Variants in LMO2 observed in about 807,000 individuals in gnomAD.
LMO2 encodes the protein LIM domain only 2.
A neutral mutation model predicts 23.2 loss-of-function variants in LMO2; 20 were observed. The ratio of observed to expected loss-of-function variants is 0.86; its 90% CI spans 0.61 to 1.25. The LOEUF (loss-of-function observed/expected upper bound fraction) is 1.25, where lower values mean the gene tolerates loss of function less well. Among genes scored for constraint, LMO2 ranks in the 50% most tolerant of loss-of-function variants. The pLI, the probability that LMO2 is intolerant of heterozygous loss-of-function variation, is 0.00. For missense variants in LMO2, 270 were observed against 315.3 expected, an observed-to-expected ratio of 0.86 and a Z score of 1.09; for synonymous variants, 123 against 130.2, an observed-to-expected ratio of 0.94 and a Z score of 0.38.
Position 33,885,073 on chromosome 11 carries a change from G to A in LMO2, c.-335-3186C>T, listed in dbSNP as rs80122462. On this transcript the variant is annotated intron_variant, in intron 1 of 5. Coordinates refer to ENST00000257818, the MANE Select transcript of LMO2 (RefSeq NM_005574.4). ...AGACTGCCCATCACCTCTGACTGGG[G>A]ACTGTGACCAGCAGGGTTAAATTGC... Among the ~76,000 whole-genome samples, 710 of 152,300 alleles carry A rather than the reference G, an allele frequency of 4.7e-3. 1 individual carries two copies. Among genetic ancestry groups the A allele is most frequent in the African/African-American group, 0.017 (688 of 41,554 alleles).
chr11:33,870,063 T>C (rs1590641153), intron 2 of LMO2, 76 bp from the exon 3 acceptor site: 2 of 541,350 alleles, frequency 3.7e-6, no homozygotes, highest in Non-Finnish European at 4.7e-6. Context: ...CCTCCCCTTT[T>C]TTCTTCCTTT....
In LMO2 at chr11:33,869,773, G is replaced by A; in HGVS notation, c.-57C>T. On this transcript the variant is annotated 5_prime_UTR_variant, in exon 3 of 6. Transcript: ENST00000257818. ...TCTCGCGCGCTGTCGCCGGCTCCGC[G>A]CCGCCCGCGGGGATGGTGTGCGCCC... is the stretch of plus-strand genomic sequence containing the variant. 1 of 1,173,558 alleles carries A rather than the reference G, an allele frequency of 8.5e-7. No homozygotes were observed. 72.7% of individuals were successfully genotyped at this position (1,173,558 alleles called of 1,614,324 possible). A position where few individuals can be genotyped will look rare whatever the true frequency, so the allele number is the denominator to read the frequency against.
chr11:33,887,638 G>C (rs1342776679), intron 1 of LMO2, among the ~76,000 whole-genome samples: 2 of 149,744 alleles, frequency 1.3e-5, no homozygotes, highest in Non-Finnish European at 3.0e-5. Flanking sequence ...TTGACCTTCT[G>C]AGTTCAGGTG....
rs181014497 is a variant in LMO2 at position 33,864,304 on chromosome 11, T to C, written c.464+298A>G. On this transcript the variant is annotated intron_variant, in intron 5 of 5. Transcript: ENST00000257818. The surrounding 1 kb of genome is among the most constrained non-coding windows in gnomAD (Gnocchi z 4.8). Reference sequence around the variant, plus strand: ...TCCTCCTCAATCCCATCCCCTAGCTTCTCCCGCTCCCCAAGGGAAGCACTT... The same window carrying C: ...TCCTCCTCAATCCCATCCCCTAGCTCCTCCCGCTCCCCAAGGGAAGCACTT... 1.3e-5 allele frequency among the ~76,000 whole-genome samples: 2 copies of C among 152,210 alleles called. No homozygotes were observed. Among genetic ancestry groups the C allele is most frequent in the African/African-American group, 4.8e-5 (2 of 41,544 alleles).
intron 1 of LMO2, among the ~76,000 whole-genome samples, chr11:33,889,294 G>A (rs975223147): frequency 6.6e-5 from 10 of 152,150 alleles, no homozygotes; most frequent in African/African-American, 2.4e-4. Flanking sequence ...GGGGTGAAAT[G>A]TCCAGGACAC....
At chr11:33,889,477 G>A (rs1394049335) in intron 1 of LMO2, among the ~76,000 whole-genome samples, 1 of 152,210 alleles carries the variant, frequency 6.6e-6, no homozygotes, top group African/African-American at 2.4e-5. Context: ...ACAGAAGCAG[G>A]TCAGACAAGG....
In LMO2 at chr11:33,880,273, C is replaced by CATGATATATATATCATACATACAT. The variant is rs1565034775; in HGVS notation, c.-272+1550_-272+1551insATGTATGTATGATATATATATCAT. Among the ~76,000 whole-genome samples, 528 of 113,360 alleles carry CATGATATATATATCATACATACAT rather than the reference C, an allele frequency of 4.7e-3. 40 individuals carry two copies. The highest frequency in any genetic ancestry group is 0.018 in the African/African-American group (475 of 26,028). The allele number at this position is 113,360 out of a possible 152,430, so 74.4% of individuals were successfully genotyped here. A position where few individuals can be genotyped will look rare whatever the true frequency, so the allele number is the denominator to read the frequency against. On this transcript the variant is annotated intron_variant, in intron 2 of 5. Coordinates refer to ENST00000257818, the MANE Select transcript of LMO2 (RefSeq NM_005574.4). This position sits in a 1 kb window ranked among gnomAD's most constrained non-coding sequence, Gnocchi z 4.3. ...ACATGATATATATATCATACATACA[C>CATGATATATATATCATACATACAT]ATGATATATATCATATATATCATAT...
At chr11:33,891,383 A>ACACACG (rs1857545398) in intron 1 of LMO2, among the ~76,000 whole-genome samples, 1 of 53,134 alleles carries the variant, frequency 1.9e-5, no homozygotes, top group African/African-American at 5.1e-5. Flanking sequence ...ACACACACAC[A>ACACACG]CACACATGCA....
At chr11:33,884,615 G>C (rs978249483) in intron 1 of LMO2, among the ~76,000 whole-genome samples, 4 of 152,208 alleles carry the variant, frequency 2.6e-5, no homozygotes, top group Admixed American at 2.0e-4. Context: ...AAGTCTACTT[G>C]TGGGCAGGAG....
At chr11:33,861,082 AC>A (rs942152652) in intron 5 of LMO2, among the ~76,000 whole-genome samples, 2 of 152,170 alleles carry the variant, frequency 1.3e-5, no homozygotes, top group African/African-American at 4.8e-5. Flanking sequence ...TGTTAAAACA[AC>A]CAAACGAAGC....
intron 5 of LMO2, among the ~76,000 whole-genome samples, chr11:33,861,454 T>C (rs1856576854): frequency 6.6e-6 from 1 of 152,196 alleles, no homozygotes; most frequent in Non-Finnish European, 1.5e-5. Context: ...GGCCAGCTAA[T>C]TTGCCTCTGA....
intron 1 of LMO2, among the ~76,000 whole-genome samples, chr11:33,891,380 CACACACACAT>C (rs749112556): frequency 0.033 from 4,530 of 135,960 alleles, 122 homozygotes; most frequent in African/African-American, 0.072. Flanking sequence ...CACACACACA[CACACACACAT>C]GCACACACAC....
intron 1 of LMO2, among the ~76,000 whole-genome samples, chr11:33,890,988 T>C (rs1351071762): frequency 6.6e-6 from 1 of 152,200 alleles, no homozygotes; most frequent in Non-Finnish European, 1.5e-5. Flanking sequence ...GTTGGTTTTC[T>C]TTAAGCTGAA....
chr11:33,882,576 G>A (rs544915507), intron 1 of LMO2, among the ~76,000 whole-genome samples: 3 of 152,284 alleles, frequency 2.0e-5, no homozygotes, highest in South Asian at 2.1e-4. Context: ...CGCAGACACC[G>A]TATTACCTAG....
rs1178461407 is a variant in LMO2, at chr11:33,883,425, G to A, written c.-335-1538C>T. 5.3e-5 allele frequency among the ~76,000 whole-genome samples: 8 copies of A among 152,206 alleles called. No homozygotes were observed. In the East Asian group the frequency reaches 1.5e-3, roughly 29 times the overall value. On this transcript the variant is annotated intron_variant, in intron 1 of 5. Transcript: ENST00000257818. ...GTCTCCCCAAAATTAAGAGGAAGAT[G>A]ACACAGAAAGTCAGTAGGAGAGCCA...
At chr11:33,870,543 A>C in intron 2 of LMO2, 1 of 985,788 alleles carries the variant, frequency 1.0e-6, no homozygotes, top group Non-Finnish European at 1.2e-6. Context: ...GTGGTGCGCC[A>C]GCCGGGACTG....
At chr11:33,861,312 G>C (rs536738863) in intron 5 of LMO2, among the ~76,000 whole-genome samples, 1 of 152,338 alleles carries the variant, frequency 6.6e-6, no homozygotes, top group East Asian at 1.9e-4. Flanking sequence ...CAGGATATCA[G>C]AGAATCAGTG....
At chr11:33,860,931 A>C (rs1357906926) in intron 5 of LMO2, among the ~76,000 whole-genome samples, 1 of 152,214 alleles carries the variant, frequency 6.6e-6, no homozygotes, top group African/African-American at 2.4e-5. Context: ...AATCAACAGC[A>C]AAAGTGCAGT....
intron 4 of LMO2, 57 bp downstream of exon 4, chr11:33,869,289 T>C (rs2133697979): frequency 9.0e-7 from 1 of 1,113,334 alleles, no homozygotes; most frequent in Non-Finnish European, 1.1e-6. Context: ...CCCCCGACGC[T>C]CCGGGACGCG....
Sources: gnomAD v4.1 joint callset for allele counts (sites outside exome capture counted in the v4.1 genomes callset) on GRCh38, gnomAD v4.1.1 for gene constraint, Gnocchi (gnomAD v3.1) non-coding constraint, MANE v1.5 for transcripts, NCBI Gene and HGNC (gene_info 2026-07-23, HGNC 2026-07-21) for gene names.